DNAH14: variants seen among roughly 807,000 people sequenced by gnomAD.
DNAH14 encodes dynein axonemal heavy chain 14, also known as axonemal beta dynein heavy chain 14.
DNAH14 carries 478 observed loss-of-function variants against 520.9 expected under a neutral mutation model. That is an observed-to-expected ratio of 0.92 (90% CI 0.85 to 0.99). The LOEUF (loss-of-function observed/expected upper bound fraction) is 0.99. Among genes scored for constraint, DNAH14 ranks in the 50% least tolerant of loss-of-function variants. The pLI is 0.00. For missense variants in DNAH14, 4,831 were observed against 5,234.5 expected, an observed-to-expected ratio of 0.92 and a Z score of 2.38; for synonymous variants, 1,581 against 1,757.2, an observed-to-expected ratio of 0.90 and a Z score of 2.51.
chr1:225,282,530 A>C (rs1443241693), intron 54 of DNAH14, among the ~76,000 whole-genome samples: 2 of 152,234 alleles, frequency 1.3e-5, no homozygotes, highest in Non-Finnish European at 2.9e-5. Context: ...GGTCCCAGAA[A>C]GCAGGTAGAG....
intron 38 of DNAH14, among the ~76,000 whole-genome samples, chr1:225,196,549 GAT>G (rs2086162494): frequency 6.6e-6 from 1 of 152,100 alleles, no homozygotes; most frequent in African/African-American, 2.4e-5. Flanking sequence ...GGGATTGCTG[GAT>G]CAAATGGTAG....
intron 58 of DNAH14, among the ~76,000 whole-genome samples, chr1:225,307,125 C>A (rs2094261999): frequency 6.6e-6 from 1 of 152,118 alleles, no homozygotes; most frequent in Non-Finnish European, 1.5e-5. Flanking sequence ...CTCAGATGCC[C>A]AGTTCTCATT....
intron 34 of DNAH14, among the ~76,000 whole-genome samples, chr1:225,157,959 A>T (rs2081195272): frequency 1.3e-5 from 2 of 152,278 alleles, no homozygotes; most frequent in African/African-American, 4.8e-5. Context: ...GATAGGAGGA[A>T]TTTTTTCAGT....
At chr1:225,323,469 T>A (rs1035001538) in intron 62 of DNAH14, among the ~76,000 whole-genome samples, 1 of 130,254 alleles carries the variant, frequency 7.7e-6, no homozygotes, top group African/African-American at 2.5e-5. Context: ...TTTTGTTTTG[T>A]TTTTTGTTTT....
At chr1:225,089,442 CAAAAAAA>C (rs1169182387) in intron 21 of DNAH14, among the ~76,000 whole-genome samples, 17 of 29,900 alleles carry the variant, frequency 5.7e-4, no homozygotes, top group East Asian at 5.6e-3. Context: ...AAAACTCCGT[CAAAAAAA>C]AAAAAAAAAA....
chr1:225,178,542 C>T (rs1434501398), intron 36 of DNAH14, among the ~76,000 whole-genome samples: 8 of 152,284 alleles, frequency 5.3e-5, no homozygotes, highest in Admixed American at 2.0e-4. Flanking sequence ...TGGGTGCAGA[C>T]ACAGCCAAAC....
In DNAH14 at chr1:225,085,620, T is replaced by G. The variant is rs1471541347; in HGVS notation, c.3404T>G (p.Phe1135Cys). The change falls in exon 21 of 86, where the codon TTT becomes TGT. Residue 1135 changes from phenylalanine to cysteine, a missense_variant. By Grantham distance (205) the Phe-to-Cys change is radical (BLOSUM62 -2). Coordinates refer to ENST00000682510, the MANE Select transcript of DNAH14 (RefSeq NM_001367479.1). ...GAAGCTGCTCTTGAAAAAATGCTAT[T>G]TAAGATTATTGATTTTTGGAACACT... is the stretch of plus-strand genomic sequence containing the variant. ...TNEAALEKML[F>C]KIIDFWNTTP... 2 of 1,551,194 alleles carry G rather than the reference T, an allele frequency of 1.3e-6. No homozygotes were observed. Among genetic ancestry groups the G allele is most frequent in the South Asian group, 1.2e-5 (1 of 84,042 alleles).
chr1:225,172,842 T>C lies in DNAH14; in HGVS notation c.5535+4814T>C, dbSNP rs566408083. 6.7e-4 allele frequency among the ~76,000 whole-genome samples: 102 copies of C among 152,310 alleles called. 1 individual carries two copies. The South Asian group carries it at 8.3e-3, about 12-fold the overall frequency. On this transcript the variant is annotated intron_variant, in intron 36 of 85. Transcript: ENST00000682510. Reference sequence around the variant, plus strand: ...AAGAACAAAGCTGGAGGCATCACACTACCTGACTTCAAACTATACTACAAG... The same window carrying C: ...AAGAACAAAGCTGGAGGCATCACACCACCTGACTTCAAACTATACTACAAG...
chr1:225,352,103 T>A (rs1009860964), intron 72 of DNAH14, among the ~76,000 whole-genome samples: 5 of 152,078 alleles, frequency 3.3e-5, no homozygotes, highest in African/African-American at 1.2e-4. Flanking sequence ...AAATCAGAAT[T>A]TCAGAGAGAT....
chr1:225,380,091 TAAC>T, intron 79 of DNAH14, 65 bp from the exon 80 acceptor site: 2 of 1,474,382 alleles, frequency 1.4e-6, no homozygotes, highest in Non-Finnish European at 1.8e-6. Context: ...TTGAATCCTT[TAAC>T]AAATCTCTCC....
rs868433009 is a variant in DNAH14, at chr1:225,357,782, G to A, written c.11620-714G>A. The A allele has an allele frequency of 1.4e-4, 96 of 702,176 alleles. No homozygotes were observed. The African/African-American group carries it at 1.6e-3, about 11-fold the overall frequency. 43.5% of individuals were successfully genotyped at this position (702,176 alleles called of 1,614,324 possible). ...ACATCAAACAGGCACACTGACGTGT[G>A]TAGCTTCAGTTTTGCTTTAAATGAT... On this transcript the variant is annotated intron_variant, in intron 73 of 85. Coordinates refer to ENST00000682510, the MANE Select transcript of DNAH14 (RefSeq NM_001367479.1).
intron 42 of DNAH14, among the ~76,000 whole-genome samples, chr1:225,235,377 C>G (rs2091500825): frequency 6.6e-6 from 1 of 152,156 alleles, no homozygotes; most frequent in Non-Finnish European, 1.5e-5. Flanking sequence ...AACCTTACAT[C>G]CCAGGGATGA....
intron 84 of DNAH14, among the ~76,000 whole-genome samples, chr1:225,394,624 C>A (rs1228112029): frequency 6.6e-6 from 1 of 152,128 alleles, no homozygotes; most frequent in East Asian, 1.9e-4. Context: ...GGGCAGCTCA[C>A]CTGAGATCAG....
intron 38 of DNAH14, among the ~76,000 whole-genome samples, chr1:225,196,566 A>G (rs1338074668): frequency 6.6e-6 from 1 of 152,058 alleles, no homozygotes; most frequent in East Asian, 1.9e-4. Context: ...TGGTAGCTCT[A>G]CTTTAGTTCT....
intron 67 of DNAH14, 94 bp downstream of exon 67, chr1:225,337,590 T>C: frequency 1.0e-6 from 1 of 965,096 alleles, no homozygotes; most frequent in Non-Finnish European, 1.6e-6. Flanking sequence ...GACAGATAAC[T>C]GTCAGGGAAA....
At chr1:225,355,159 G>A (rs908060499) in intron 73 of DNAH14, among the ~76,000 whole-genome samples, 8 of 152,288 alleles carry the variant, frequency 5.3e-5, no homozygotes, top group African/African-American at 1.9e-4. Flanking sequence ...GAGGCTGGGA[G>A]TCTAACATCA....
In DNAH14 at chr1:225,331,542, G is replaced by T. The variant is rs1297283024; in HGVS notation, c.9829G>T (p.Ala3277Ser). 3 of 1,551,446 alleles carry T rather than the reference G, an allele frequency of 1.9e-6. No individual in the cohort carries two copies. The highest frequency in any genetic ancestry group is 2.6e-6 in the Non-Finnish European group (3 of 1,146,870). ...KTMASRRFQC[A>S]SVLLTVLEDE... Reference sequence around the variant, plus strand: ...AATGGCCAGCAGGCGCTTTCAGTGTGCGTCAGTCTTACTAACTGTCCTGGA... The same window carrying T: ...AATGGCCAGCAGGCGCTTTCAGTGTTCGTCAGTCTTACTAACTGTCCTGGA... Residue 3277 changes from alanine (A) to serine (S), a missense_variant, in exon 65 of 86, where the codon GCG (alanine) becomes TCG (serine). By Grantham distance (99) the Ala-to-Ser change is moderately conservative (BLOSUM62 1). Transcript: ENST00000682510.
intron 23 of DNAH14, among the ~76,000 whole-genome samples, chr1:225,108,865 G>T (rs540613844): frequency 5.3e-5 from 8 of 152,268 alleles, no homozygotes; most frequent in African/African-American, 1.9e-4. Flanking sequence ...ATTTAAGTGT[G>T]AAATCCATTT....
At chr1:225,395,106 T>C (rs2095988113) in intron 84 of DNAH14, among the ~76,000 whole-genome samples, 1 of 152,196 alleles carries the variant, frequency 6.6e-6, no homozygotes, top group South Asian at 2.1e-4. Flanking sequence ...TTATAAGGTA[T>C]GATTCCTATA....
Sources: gnomAD v4.1 joint callset for allele counts (sites outside exome capture counted in the v4.1 genomes callset) on GRCh38, gnomAD v4.1.1 for gene constraint, MANE v1.5 for transcripts, NCBI Gene and HGNC (gene_info 2026-07-23, HGNC 2026-07-21) for gene names.